The following ULK1 variants were observed in gnomAD, a reference collection of about 807,000 sequenced individuals.
ULK1 encodes unc-51 like autophagy activating kinase 1, also known as serine/threonine-protein kinase ULK1.
A neutral mutation model predicts 117.5 loss-of-function variants in ULK1; 48 were observed. The ratio of observed to expected loss-of-function variants is 0.41; its 90% CI spans 0.32 to 0.52. ULK1 has a LOEUF of 0.52. Ranked by LOEUF, ULK1 falls within the 20% of genes least tolerant of loss-of-function variation. The pLI is 0.29. For synonymous variants in ULK1, 790 were observed against 637.8 expected (o/e 1.24, Z -3.60); for missense variants, 1,387 against 1,473.4 (o/e 0.94, Z 0.96).
intron 3 of ULK1, chr12:131,897,124 G>A (rs1888905129): frequency 6.6e-6 from 1 of 152,240 alleles, no homozygotes; most frequent in East Asian, 1.9e-4. Context: ...CTCTACTCAG[G>A]AAGCACTTGG....
chr12:131,902,374 C>T lies in ULK1; in HGVS notation c.247-4518C>T, dbSNP rs892905719. On this transcript the variant is annotated intron_variant, in intron 3 of 27. Transcript: ENST00000321867. The surrounding 1 kb of genome is among the most constrained non-coding windows in gnomAD (Gnocchi z 6.3). ...AGCCTGGATCCTATTAAGTAAAGCA[C>T]CTTAGCACCCCAGGGGTGGGGCAGC... Among the ~76,000 whole-genome samples, 1 of 152,128 alleles carries T rather than the reference C, an allele frequency of 6.6e-6. No homozygotes were observed. The highest frequency in any genetic ancestry group is 1.5e-5 in the Non-Finnish European group (1 of 68,014).
Position 131,913,816 on chromosome 12 carries a change from C to T in ULK1, c.1227C>T (p.Ser409=), listed in dbSNP as rs750347158. The T allele has an allele frequency of 2.6e-6, 4 of 1,562,338 alleles. No homozygotes were observed. In the African/African-American group the frequency reaches 4.2e-5, roughly 16 times the overall value. ...GRTPSPSPPC[S]SSPSPSGRAG... The stretch of plus-strand genomic sequence containing the variant: ...CCCCATCTCCATCCCCACCCTGCAG[C>T]AGCTCCCCCAGTCCCTCAGGGTAAG... The change falls in exon 15 of 28, where the codon AGC becomes AGT. Residue 409 remains serine, a synonymous_variant. Coordinates refer to ENST00000321867, the MANE Select transcript of ULK1 (RefSeq NM_003565.4).
chr12:131,911,535 A>G (rs1165714089), intron 12 of ULK1, among the ~76,000 whole-genome samples: 2 of 152,288 alleles, frequency 1.3e-5, no homozygotes, highest in African/African-American at 4.8e-5. Context: ...GCCTCAGAGC[A>G]GGGCCCACCG....
chr12:131,894,996 T>A lies in ULK1; in HGVS notation c.-6T>A. ...CCCCGCCCCGCGCCCCCGGCCCGCC[T>A]GCGCCATGGAGCCCGGCCGCGGCGG... On this transcript the variant is annotated 5_prime_UTR_variant, in exon 1 of 28. Coordinates refer to ENST00000321867, the MANE Select transcript of ULK1 (RefSeq NM_003565.4). 7.3e-6 allele frequency: 9 copies of A among 1,237,392 alleles called. No individual in the cohort carries two copies. The highest frequency in any genetic ancestry group is 7.1e-6 in the Non-Finnish European group (7 of 979,890). The allele number at this position is 1,237,392 out of a possible 1,614,324, so 76.7% of individuals were successfully genotyped here. A position where few individuals can be genotyped will look rare whatever the true frequency, so the allele number is the denominator to read the frequency against.
intron 1 of ULK1, 103 bp downstream of exon 1, chr12:131,895,215 G>A: frequency 1.7e-6 from 1 of 595,372 alleles, no homozygotes; most frequent in South Asian, 2.8e-5. Flanking sequence ...CACGCCTCCC[G>A]AGAGCCCCAC....
intron 7 of ULK1, 37 bp downstream of exon 7, chr12:131,909,008 C>T (rs747630517): frequency 8.1e-6 from 13 of 1,612,626 alleles, no homozygotes; most frequent in Non-Finnish European, 1.0e-5. Context: ...CGGGTGGGCG[C>T]CTCTCTGGGC....
intron 22 of ULK1, among the ~76,000 whole-genome samples, chr12:131,917,809 C>T (rs903600576): frequency 2.0e-5 from 3 of 152,192 alleles, no homozygotes; most frequent in Admixed American, 1.3e-4. Context: ...CCCATTTATC[C>T]CCAAAACATG....
chr12:131,906,796 C>A (rs1889294375), intron 3 of ULK1, 96 bp from the exon 4 acceptor site: 3 of 1,513,178 alleles, frequency 2.0e-6, no homozygotes, highest in Non-Finnish European at 2.7e-6. Context: ...CCTGGCACTG[C>A]AGGGCCTGCC....
intron 3 of ULK1, 39 bp from the exon 4 acceptor site, chr12:131,906,853 G>T (rs767391826): frequency 6.2e-7 from 1 of 1,613,786 alleles, no homozygotes; most frequent in East Asian, 2.2e-5. Flanking sequence ...GGGGCCCGGT[G>T]GCACTGGGAC....
chr12:131,911,237 C>T (rs1033912079), intron 12 of ULK1, among the ~76,000 whole-genome samples: 3 of 152,196 alleles, frequency 2.0e-5, no homozygotes, highest in Non-Finnish European at 2.9e-5. Flanking sequence ...GAACCCCCGT[C>T]CCTCTGTCCA....
rs1889147229 is a variant in ULK1 at position 131,903,059 on chromosome 12, G to T, written c.247-3833G>T. Among the ~76,000 whole-genome samples, 1 of 152,150 alleles carries T rather than the reference G, an allele frequency of 6.6e-6. No individual in the cohort carries two copies. The highest frequency in any genetic ancestry group is 2.4e-5 in the African/African-American group (1 of 41,430). ...GCCCAGGGGAGGTCAGCTGTGGCCG[G>T]TGAGGCTGTGCTCTCACCTGACCCC... On this transcript the variant is annotated intron_variant, in intron 3 of 27. Coordinates refer to ENST00000321867, the MANE Select transcript of ULK1 (RefSeq NM_003565.4). The surrounding 1 kb of genome is among the most constrained non-coding windows in gnomAD (Gnocchi z 6.0).
At chr12:131,907,729 C>G (rs1230355801) in intron 5 of ULK1, among the ~76,000 whole-genome samples, 198 bp downstream of exon 5, 4 of 152,104 alleles carry the variant, frequency 2.6e-5, no homozygotes, top group Non-Finnish European at 5.9e-5. Flanking sequence ...AGGATGCAGT[C>G]CCTCCGCTGG....
intron 25 of ULK1, 108 bp downstream of exon 25, chr12:131,919,698 C>T: frequency 7.7e-7 from 1 of 1,291,658 alleles, no homozygotes; most frequent in Admixed American, 1.8e-5. Context: ...GGCCCCTGTG[C>T]AGAGGTGCAG....
chr12:131,910,446 C>A, intron 11 of ULK1, 142 bp downstream of exon 11: 1 of 1,374,948 alleles, frequency 7.3e-7, no homozygotes, highest in Non-Finnish European at 1.0e-6. Context: ...GGACACCCGG[C>A]TCCTTGCTCT....
intron 3 of ULK1, among the ~76,000 whole-genome samples, chr12:131,904,843 T>C (rs889497113): frequency 6.6e-6 from 1 of 152,062 alleles, no homozygotes; most frequent in African/African-American, 2.4e-5. Flanking sequence ...GGAGTGGGCA[T>C]GGCCGTCCTG....
In ULK1 at chr12:131,916,514, G is replaced by A. The variant is rs765091212; in HGVS notation, c.1995G>A (p.Ser665=). 14 of 1,611,712 alleles carry A rather than the reference G, an allele frequency of 8.7e-6. No homozygotes were observed. The highest frequency in any genetic ancestry group is 6.7e-5 in the African/African-American group (5 of 74,940). Residue 665 remains serine, a synonymous_variant, in exon 20 of 28, where the codon TCG becomes TCA. Transcript: ENST00000321867. The part of the protein sequence containing the change: ...PPRNRTLPDL[S]EVGPFHGQPL... ...GAAACCGGACGCTGCCCGACCTCTC[G>A]GAGGTGGGACCCTTCCATGGTCAGC...
Position 131,895,019 on chromosome 12 carries a change from C to A in ULK1, c.18C>A (p.Gly6=). 1 of 1,532,114 alleles carries A rather than the reference C, an allele frequency of 6.5e-7. No individual in the cohort carries two copies. The highest frequency in any genetic ancestry group is 2.7e-5 in the East Asian group (1 of 37,688). The allele number at this position is 1,532,114 out of a possible 1,614,324, so 94.9% of individuals were successfully genotyped here. A position where few individuals can be genotyped will look rare whatever the true frequency, so the allele number is the denominator to read the frequency against. Residue 6 remains glycine (G), a synonymous_variant, in exon 1 of 28, where the codon GGC becomes GGA. Coordinates refer to ENST00000321867, the MANE Select transcript of ULK1 (RefSeq NM_003565.4). The part of the protein sequence containing the change: MEPGR[G]GTETVGKFEF... Reference sequence around the variant, plus strand: ...CCTGCGCCATGGAGCCCGGCCGCGGCGGCACAGAGACCGTGGGCAAGTTCG... The same window carrying A: ...CCTGCGCCATGGAGCCCGGCCGCGGAGGCACAGAGACCGTGGGCAAGTTCG...
rs1890137298 is a variant in ULK1 at position 131,921,252 on chromosome 12, GC to G, written c.3097+18del. On this transcript the variant is annotated intron_variant, in intron 27 of 27. Coordinates refer to ENST00000321867, the MANE Select transcript of ULK1 (RefSeq NM_003565.4). The stretch of plus-strand genomic sequence containing the variant: ...TCACCAAGTGTGAGTGCCCGGCTGG[GC>G]TGGGGGCTGGGGACTCTGGGCGTCT... 6.2e-7 allele frequency: 1 copy of G among 1,607,776 alleles called. No individual in the cohort carries two copies. The highest frequency in any genetic ancestry group is 8.5e-7 in the Non-Finnish European group (1 of 1,179,524).
intron 3 of ULK1, 39 bp downstream of exon 3, chr12:131,895,863 G>A (rs371651837): frequency 6.2e-7 from 1 of 1,612,616 alleles, no homozygotes; most frequent in Non-Finnish European, 8.5e-7. Context: ...GGACCGGGCT[G>A]GGGGACTGTG....
Sources: allele counts gnomAD v4.1 joint callset (sites outside exome capture counted in the v4.1 genomes callset), GRCh38; gene constraint gnomAD v4.1.1; non-coding constraint Gnocchi (gnomAD v3.1); transcripts MANE v1.5; gene names NCBI Gene and HGNC (gene_info 2026-07-23, HGNC 2026-07-21).